The following CDHR2 variants were observed in gnomAD, a reference collection of about 807,000 sequenced individuals.
CDHR2 encodes the protein cadherin related family member 2.
In CDHR2, 104 loss-of-function variants were observed where a neutral mutation model predicts 138.6. That is an observed-to-expected ratio of 0.75 (90% confidence interval 0.64 to 0.88). CDHR2 has a LOEUF of 0.88. CDHR2 is among the 40% of genes least tolerant of loss of function. The pLI is 0.00. For synonymous variants in CDHR2, 755 were observed against 742.8 expected, an observed-to-expected ratio of 1.02 and a Z score of -0.27; for missense variants, 1,624 against 1,727.6, an observed-to-expected ratio of 0.94 and a Z score of 1.06.
intron 7 of CDHR2, among the ~76,000 whole-genome samples, chr5:176,574,671 A>G (rs967400069): frequency 6.6e-6 from 1 of 152,198 alleles, no homozygotes; most frequent in African/African-American, 2.4e-5. Flanking sequence ...AATCACCTCT[A>G]GGTTACCTCC....
intron 17 of CDHR2, among the ~76,000 whole-genome samples, chr5:176,582,267 G>A (rs79974314): frequency 2.6e-5 from 4 of 152,140 alleles, no homozygotes; most frequent in South Asian, 4.1e-4. Flanking sequence ...CGATCCACCC[G>A]CCTTGGCCTC....
chr5:176,544,531 C>T (rs1757543285), upstream of CDHR2, among the ~76,000 whole-genome samples: 1 of 151,814 alleles, frequency 6.6e-6, no homozygotes, highest in Non-Finnish European at 1.5e-5. Context: ...CCTCCGCCAT[C>T]CGGTTTCAAG....
rs4242200 is a variant in CDHR2 at position 176,575,143 on chromosome 5, A to C, written c.555A>C (p.Ile185=). ...HLFRILANGS[I]VLNGSLSYNN... ...TCCGGATCCTGGCCAATGGCTCCAT[A>C]GTCCTCAATGGCAGCCTCAGCTACA... is the stretch of plus-strand genomic sequence containing the variant. Residue 185 remains isoleucine, a synonymous_variant, in exon 8 of 32, where the codon ATA becomes ATC. Transcript: ENST00000261944. The C allele has an allele frequency of 0.93, 1,496,853 of 1,614,082 alleles. 696,101 individuals are homozygous for C. The highest frequency in any genetic ancestry group is 0.95 in the Non-Finnish European group (1,120,249 of 1,180,028).
intron 2 of CDHR2, 57 bp from the exon 3 acceptor site, chr5:176,565,615 G>A (rs1758060253): frequency 1.3e-6 from 2 of 1,494,876 alleles, no homozygotes; most frequent in Non-Finnish European, 1.9e-6. Flanking sequence ...AGGGGAGCAG[G>A]TAGGGATCGG....
intron 16 of CDHR2, among the ~76,000 whole-genome samples, chr5:176,580,535 A>AG (rs1758506626): frequency 6.6e-6 from 1 of 151,376 alleles, no homozygotes; most frequent in Non-Finnish European, 1.5e-5. Context: ...CCTCAAAAAA[A>AG]AAAAAAAAGA....
chr5:176,559,367 T>A (rs549368736), intron 1 of CDHR2, among the ~76,000 whole-genome samples: 1 of 152,316 alleles, frequency 6.6e-6, no homozygotes, highest in African/African-American at 2.4e-5. Flanking sequence ...TGATTCTGGG[T>A]CCTTTGTATG....
At chr5:176,552,616 A>T (rs1374104823) in intron 1 of CDHR2, among the ~76,000 whole-genome samples, 1 of 151,972 alleles carries the variant, frequency 6.6e-6, no homozygotes, top group East Asian at 1.9e-4. Context: ...TCGCCAGCCC[A>T]CACAGACACT....
rs1202144338 is a variant in CDHR2, at chr5:176,553,959, A to G, written c.-16+4545A>G. Among the ~76,000 whole-genome samples the G allele has an allele frequency of 6.6e-6, 1 of 152,138 alleles. No individual in the cohort carries two copies. The highest frequency in any genetic ancestry group is 1.5e-5 in the Non-Finnish European group (1 of 68,020). ...CTCTCCAGGGTGTAGCTGTACCCAC[A>G]TCGCTGTCCCTGTCTCACTGAGGAC... is the stretch of plus-strand genomic sequence containing the variant. On this transcript the variant is annotated intron_variant, in intron 1 of 31. Transcript: ENST00000261944. The surrounding 1 kb of genome is among the most constrained non-coding windows in gnomAD (Gnocchi z 4.3).
upstream of CDHR2, among the ~76,000 whole-genome samples, chr5:176,549,034 G>A (rs1273170741): frequency 6.6e-6 from 1 of 152,168 alleles, no homozygotes; most frequent in African/African-American, 2.4e-5. Context: ...GGGAGGGGAC[G>A]GGGGCTCTGG....
chr5:176,590,113 T>C lies in CDHR2; in HGVS notation c.3242T>C (p.Ile1081Thr). 1 of 1,613,784 alleles carries C rather than the reference T, an allele frequency of 6.2e-7. No individual in the cohort carries two copies. Among genetic ancestry groups the C allele is most frequent in the Non-Finnish European group, 8.5e-7 (1 of 1,179,966 alleles). ...CAGGCAACCAGGACTACAGTATACA[T>C]TGTGGACATTCAGGACATAGATTCT... is the stretch of plus-strand genomic sequence containing the variant. ...LTQATRTTVYIVDIQDIDSAA... is the reference protein window; with the variant it reads ...LTQATRTTVYTVDIQDIDSAA... Residue 1081 changes from isoleucine to threonine, a missense_variant, in exon 25 of 32, where the codon ATT becomes ACT. Ile to Thr is a moderately conservative substitution (Grantham distance 89). Coordinates refer to ENST00000261944, the MANE Select transcript of CDHR2 (RefSeq NM_017675.6).
chr5:176,593,025 C>T (rs544570463), intron 31 of CDHR2, among the ~76,000 whole-genome samples: 3 of 152,280 alleles, frequency 2.0e-5, no homozygotes, highest in Admixed American at 1.3e-4. Flanking sequence ...GGGATGGGAA[C>T]ATCAACCATG....
At chr5:176,557,712 T>TCCTTCCTTCCTTCCTTCC (rs1561866775) in intron 1 of CDHR2, among the ~76,000 whole-genome samples, 35 of 146,226 alleles carry the variant, frequency 2.4e-4, no homozygotes, top group African/African-American at 8.1e-4. Flanking sequence ...CTTTCTTTCT[T>TCCTTCCTTCCTTCCTTCC]TTTTTTTTAT....
chr5:176,542,789 G>A (rs184484564), intron 1 of CDHR2: 26 of 152,450 alleles, frequency 1.7e-4, no homozygotes, highest in African/African-American at 5.0e-4. Flanking sequence ...GCGCTGAAGT[G>A]CAGCGGTCTG....
At chr5:176,569,291 T>G (rs963005690) in intron 5 of CDHR2, among the ~76,000 whole-genome samples, 10 of 150,726 alleles carry the variant, frequency 6.6e-5, no homozygotes, top group African/African-American at 2.4e-4. Flanking sequence ...TTAAATGTTT[T>G]TTTTTTTTTT....
Position 176,590,326 on chromosome 5 carries a change from AGT to A in CDHR2, c.3353+2_3353+3del. 1.2e-6 allele frequency: 2 copies of A among 1,613,984 alleles called. No homozygotes were observed. The highest frequency in any genetic ancestry group is 1.7e-6 in the Non-Finnish European group (2 of 1,179,982). On this transcript the variant is annotated frameshift_variant and splice_region_variant, in exon 26 of 32. Transcript: ENST00000261944. LOFTEE classifies it high-confidence loss of function. ...GTCAGCCCTGACCCTTGATGAGCTG[AGT>A]GTGTGAGTGGGGCTGCCCTTGGGGC... The part of the protein sequence containing the change: ...NGSALTLDEL[S>X]VMIRNDQDSL...
Position 176,575,578 on chromosome 5 carries a change from T to G in CDHR2, c.841T>G (p.Ser281Ala). ...CAATGACCCTGTGATCTACAGCATC[T>G]CCTGTGAGAACGGGGTGTCCCCAGG... ...GINDPVIYSI[S>A]YSTRPGWFDI... Residue 281 changes from serine (S) to alanine (A), a missense_variant, in exon 10 of 32, where the codon TCC becomes GCC. Around this residue, in one of 3 missense-constraint regions of CDHR2, gnomAD observed 1,061 missense variants for 1,136.6 expected, o/e 0.93. Coordinates refer to ENST00000261944, the MANE Select transcript of CDHR2 (RefSeq NM_017675.6). The G allele has an allele frequency of 6.2e-7, 1 of 1,613,974 alleles. No individual in the cohort carries two copies. The highest frequency in any genetic ancestry group is 8.5e-7 in the Non-Finnish European group (1 of 1,179,882).
intron 1 of CDHR2, among the ~76,000 whole-genome samples, chr5:176,561,204 C>A (rs538674957): frequency 1.3e-5 from 2 of 152,264 alleles, no homozygotes; most frequent in East Asian, 1.9e-4. Flanking sequence ...GTTATTATTC[C>A]CATCTTACAG....
chr5:176,575,576 T>A lies in CDHR2; in HGVS notation c.839T>A (p.Ile280Asn). ...ATCAATGACCCTGTGATCTACAGCATCTCCTGTGAGAACGGGGTGTCCCCA... is the reference window on the plus strand; with the variant it reads ...ATCAATGACCCTGTGATCTACAGCAACTCCTGTGAGAACGGGGTGTCCCCA... ...KGINDPVIYS[I>N]SYSTRPGWFD... is the part of the protein sequence containing the mutation. Residue 280 changes from isoleucine (I) to asparagine (N), a missense_variant, in exon 10 of 32, where the codon ATC becomes AAC. This residue lies in a region of CDHR2 where 1,061 missense variants were observed against 1,136.6 expected (regional missense o/e 0.93). Coordinates refer to ENST00000261944, the MANE Select transcript of CDHR2 (RefSeq NM_017675.6). 6.2e-7 allele frequency: 1 copy of A among 1,613,966 alleles called. No individual in the cohort carries two copies. Among genetic ancestry groups the A allele is most frequent in the Non-Finnish European group, 8.5e-7 (1 of 1,179,906 alleles).
In CDHR2 at chr5:176,590,318, A is replaced by G; in HGVS notation, c.3341A>G (p.Asp1114Gly). 1.2e-6 allele frequency: 2 copies of G among 1,614,152 alleles called. No individual in the cohort carries two copies. Among genetic ancestry groups the G allele is most frequent in the Non-Finnish European group, 1.7e-6 (2 of 1,180,022 alleles). The change falls in exon 26 of 32, where the codon GAT becomes GGT. Residue 1114 changes from aspartate (D) to glycine (G), a missense_variant. Asp to Gly is a moderately conservative substitution (Grantham distance 94). Transcript: ENST00000261944. ...CCCAATGGGTCAGCCCTGACCCTTG[A>G]TGAGCTGAGTGTGTGAGTGGGGCTG... ...VFPNGSALTL[D>G]ELSVMIRNDQ...
Sources: gnomAD v4.1 joint callset for allele counts (sites outside exome capture counted in the v4.1 genomes callset) on GRCh38, gnomAD v4.1.1 for gene constraint, gnomAD v4.1.1 regional missense constraint, Gnocchi (gnomAD v3.1) non-coding constraint, MANE v1.5 for transcripts, NCBI Gene and HGNC (gene_info 2026-07-23, HGNC 2026-07-21) for gene names.